The following FAM83B variants were observed in gnomAD, a reference collection of about 807,000 sequenced individuals.
FAM83B encodes the protein scaffolding CK1 anchoring protein B.
FAM83B carries 26 observed loss-of-function variants against 38.8 expected under a neutral mutation model. The ratio of observed to expected loss-of-function variants is 0.67; its 90% CI spans 0.49 to 0.93. The LOEUF is 0.93. Among genes scored for constraint, FAM83B ranks in the 40% least tolerant of loss-of-function variants. FAM83B has a pLI of 0.00. For missense variants in FAM83B, 1,237 were observed against 1,197.3 expected (o/e 1.03, Z -0.49); for synonymous variants, 419 against 423.1 (o/e 0.99, Z 0.12).
rs180697550 is a variant in FAM83B, at chr6:54,937,323, A to G, written c.735-2383A>G. On this transcript the variant is annotated intron_variant, in intron 4 of 4. Coordinates refer to ENST00000306858, the MANE Select transcript of FAM83B (RefSeq NM_001010872.3). ...GTTACCTCTAAACTCTAGGAAAGGA[A>G]TTGGAGCTTCCATAAAGTACTATAA... is the stretch of plus-strand genomic sequence containing the variant. 3.2e-3 allele frequency among the ~76,000 whole-genome samples: 483 copies of G among 152,160 alleles called. 1 individual carries two copies. The highest frequency in any genetic ancestry group is 0.011 in the African/African-American group (461 of 41,540).
intron 1 of FAM83B, among the ~76,000 whole-genome samples, chr6:54,862,869 A>ACC (rs1001514399): frequency 5.0e-5 from 7 of 140,164 alleles, no homozygotes. Flanking sequence ...GGGTGCAAAA[A>ACC]CCCCCCCCCA....
chr6:54,853,387 A>G (rs945982984), intron 1 of FAM83B, among the ~76,000 whole-genome samples: 2 of 152,172 alleles, frequency 1.3e-5, no homozygotes, highest in Non-Finnish European at 2.9e-5. Flanking sequence ...AGAGCTAGAG[A>G]GGGGAAGTCA....
rs571174207 is a variant in FAM83B, at chr6:54,936,060, A to T, written c.735-3646A>T. 8.9e-4 allele frequency among the ~76,000 whole-genome samples: 135 copies of T among 152,190 alleles called. 1 individual carries two copies. Among genetic ancestry groups the T allele is most frequent in the African/African-American group, 3.1e-3 (129 of 41,550 alleles). On this transcript the variant is annotated intron_variant, in intron 4 of 4. Coordinates refer to ENST00000306858, the MANE Select transcript of FAM83B (RefSeq NM_001010872.3). The stretch of plus-strand genomic sequence containing the variant: ...TGAGGAAGAGGTCAGCACTGGCAAT[A>T]CGGACTTCGGACTTCATAGTTAATG...
At chr6:54,918,559 G>C (rs1773098085) in intron 2 of FAM83B, among the ~76,000 whole-genome samples, 1 of 152,032 alleles carries the variant, frequency 6.6e-6, no homozygotes, top group Non-Finnish European at 1.5e-5. Context: ...AGAGTGAAGT[G>C]GGGGAAAGCC....
At position 54,910,997 on chromosome 6, in the gene FAM83B, A is replaced by G. The variant is rs149523822; in HGVS notation, c.445-15374A>G. On this transcript the variant is annotated intron_variant, in intron 2 of 4. Transcript: ENST00000306858. ...TGATCTCAGCTTTGTAAAAATATAC[A>G]TATACCAAGATGAAAGGAAAAGAAT... Among the ~76,000 whole-genome samples the G allele has an allele frequency of 3.5e-3, 536 of 152,250 alleles. 9 individuals are homozygous for G. Among genetic ancestry groups the G allele is most frequent in the African/African-American group, 0.012 (502 of 41,550 alleles).
chr6:54,891,615 C>T (rs1772404500), intron 2 of FAM83B, among the ~76,000 whole-genome samples: 1 of 152,098 alleles, frequency 6.6e-6, no homozygotes, highest in South Asian at 2.1e-4. Flanking sequence ...ACCTGTGGCC[C>T]ACTGGCCTAT....
At chr6:54,896,985 T>A (rs185730267) in intron 2 of FAM83B, among the ~76,000 whole-genome samples, 1 of 152,202 alleles carries the variant, frequency 6.6e-6, no homozygotes, top group Non-Finnish European at 1.5e-5. Context: ...ACAGTAAGAA[T>A]GCACAATACT....
At chr6:54,919,750 A>G (rs1773129892) in intron 2 of FAM83B, among the ~76,000 whole-genome samples, 1 of 152,006 alleles carries the variant, frequency 6.6e-6, no homozygotes, top group Admixed American at 6.6e-5. Context: ...AAACCCTGTA[A>G]TACTCTTTTA....
At chr6:54,869,652 G>T (rs1771797567) in intron 1 of FAM83B, among the ~76,000 whole-genome samples, 1 of 152,008 alleles carries the variant, frequency 6.6e-6, no homozygotes, top group Non-Finnish European at 1.5e-5. Flanking sequence ...CTCTTGCTCA[G>T]GGCTGTTCAT....
At chr6:54,921,185 C>T (rs1200829992) in intron 2 of FAM83B, among the ~76,000 whole-genome samples, 3 of 151,794 alleles carry the variant, frequency 2.0e-5, no homozygotes, top group African/African-American at 4.8e-5. Context: ...CTACTGTATT[C>T]CCCCCTTTAC....
At position 54,941,420 on chromosome 6, in the gene FAM83B, C is replaced by G; in HGVS notation, c.2449C>G (p.Pro817Ala). ...LVSEGEENQK[P>A]KKSDTKVDSS... Reference sequence around the variant, plus strand: ...TTCTGAGGGTGAAGAAAATCAAAAACCAAAGAAATCAGACACAAAAGTTGA... The same window carrying G: ...TTCTGAGGGTGAAGAAAATCAAAAAGCAAAGAAATCAGACACAAAAGTTGA... The change falls in exon 5 of 5, where the codon CCA becomes GCA. Residue 817 changes from proline to alanine, a missense_variant. Physicochemically the swap from Pro to Ala is conservative, Grantham distance 27 (BLOSUM62 -1). Coordinates refer to ENST00000306858, the MANE Select transcript of FAM83B (RefSeq NM_001010872.3). The G allele has an allele frequency of 1.2e-6, 2 of 1,612,906 alleles. No homozygotes were observed. The highest frequency in any genetic ancestry group is 2.2e-5 in the South Asian group (2 of 90,784).
chr6:54,883,516 A>G (rs1257158800), intron 2 of FAM83B, among the ~76,000 whole-genome samples: 1 of 150,198 alleles, frequency 6.7e-6, no homozygotes, highest in Non-Finnish European at 1.5e-5. Flanking sequence ...TTGTATTTTT[A>G]GTAGAGACGG....
chr6:54,940,929 A>C lies in FAM83B; in HGVS notation c.1958A>C (p.Asn653Thr). 6.2e-7 allele frequency: 1 copy of C among 1,613,442 alleles called. No homozygotes were observed. The highest frequency in any genetic ancestry group is 8.5e-7 in the Non-Finnish European group (1 of 1,179,858). The change falls in exon 5 of 5, where the codon AAT becomes ACT. Residue 653 changes from asparagine to threonine, a missense_variant. Coordinates refer to ENST00000306858, the MANE Select transcript of FAM83B (RefSeq NM_001010872.3). ...AATAAGCAGACAGAAAATCTAAAGA[A>C]TCAACAGACTGAGAATCTACTTAAA... ...GVNKQTENLK[N>T]QQTENLLKRR...
Position 54,927,584 on chromosome 6 carries a change from A to G in FAM83B, c.686A>G (p.Gln229Arg). 6.2e-7 allele frequency: 1 copy of G among 1,608,634 alleles called. No homozygotes were observed. The highest frequency in any genetic ancestry group is 8.5e-7 in the Non-Finnish European group (1 of 1,176,630). The change falls in exon 4 of 5, where the codon CAG becomes CGG. Residue 229 changes from glutamine to arginine, a missense_variant. Transcript: ENST00000306858. ...TGAKFHGKME[Q>R]KFLLVDCQKV... ...GCAAAATTCCATGGAAAAATGGAACAGAAATTTTTGTTAGTTGACTGCCAG... is the reference window on the plus strand; with the variant it reads ...GCAAAATTCCATGGAAAAATGGAACGGAAATTTTTGTTAGTTGACTGCCAG...
At chr6:54,859,356 G>A (rs757166481) in intron 1 of FAM83B, among the ~76,000 whole-genome samples, 149 of 152,252 alleles carry the variant, frequency 9.8e-4, no homozygotes, top group Non-Finnish European at 1.8e-3. Context: ...CACTGCACCC[G>A]GCCACGGGTA....
At chr6:54,861,152 G>A (rs1186625776) in intron 1 of FAM83B, among the ~76,000 whole-genome samples, 2 of 152,132 alleles carry the variant, frequency 1.3e-5, no homozygotes, top group South Asian at 4.1e-4. Context: ...GTTACCTTCC[G>A]TTATTAAGGC....
chr6:54,875,180 A>AG (rs1771961331), intron 2 of FAM83B, among the ~76,000 whole-genome samples: 1 of 152,210 alleles, frequency 6.6e-6, no homozygotes, highest in African/African-American at 2.4e-5. Flanking sequence ...GTTCCTATCC[A>AG]AATCTCTAAT....
Position 54,940,810 on chromosome 6 carries a change from C to T in FAM83B, c.1839C>T (p.Thr613=). ...PLQSEAPKMH[T]LQVPENHSVA... ...AGTCAGAGGCACCAAAAATGCACAC[C>T]TTGCAGGTTCCTGAAAACCACTCAG... Residue 613 remains threonine, a synonymous_variant, in exon 5 of 5, where the codon ACC becomes ACT. Transcript: ENST00000306858. The T allele has an allele frequency of 6.2e-7, 1 of 1,614,012 alleles. No homozygotes were observed. The highest frequency in any genetic ancestry group is 8.5e-7 in the Non-Finnish European group (1 of 1,180,000).
chr6:54,865,713 T>C (rs1403139100), intron 1 of FAM83B, among the ~76,000 whole-genome samples: 1 of 152,154 alleles, frequency 6.6e-6, no homozygotes, highest in Non-Finnish European at 1.5e-5. Context: ...AAGCTGTAAT[T>C]TCTCTTTGGA....
Sources: allele counts gnomAD v4.1 joint callset (sites outside exome capture counted in the v4.1 genomes callset), GRCh38; gene constraint gnomAD v4.1.1; transcripts MANE v1.5; gene names NCBI Gene and HGNC (gene_info 2026-07-23, HGNC 2026-07-21).